The following PCDH7 variants were observed in gnomAD, a reference collection of about 807,000 sequenced individuals.
PCDH7 encodes protocadherin 7.
In PCDH7, 17 loss-of-function variants were observed where a neutral mutation model predicts 58.9. The ratio of observed to expected loss-of-function variants is 0.29; its 90% CI spans 0.20 to 0.43. PCDH7 has a LOEUF of 0.43. Among genes scored for constraint, PCDH7 ranks in the 20% least tolerant of loss-of-function variants. PCDH7 has a pLI of 1.00. For missense variants in PCDH7, 1,274 were observed against 1,441.0 expected (o/e 0.88, Z 1.88); for synonymous variants, 664 against 616.4 (o/e 1.08, Z -1.14).
Position 30,967,431 on chromosome 4 carries a change from C to T in PCDH7, c.*7+17216C>T, listed in dbSNP as rs181186569. 1.2e-3 allele frequency among the ~76,000 whole-genome samples: 188 copies of T among 152,178 alleles called. 1 individual carries two copies. The highest frequency in any genetic ancestry group is 4.3e-3 in the African/African-American group (178 of 41,558). On this transcript the variant is annotated intron_variant, in intron 3 of 3. Transcript: ENST00000509759. ...TTTTCTTCAATGGATAGTCTGCATA[C>T]GATGTCTTTCTTACTCTGCTGTCTC...
At chr4:31,046,902 A>G (rs927560216) in intron 3 of PCDH7, among the ~76,000 whole-genome samples, 2 of 152,036 alleles carry the variant, frequency 1.3e-5, no homozygotes, top group Admixed American at 6.6e-5. Flanking sequence ...TAAATCCAAC[A>G]TAAGCATTTA....
At chr4:30,843,008 G>A (rs898389928) in intron 1 of PCDH7, among the ~76,000 whole-genome samples, 9 of 150,692 alleles carry the variant, frequency 6.0e-5, no homozygotes, top group Admixed American at 5.9e-4. Context: ...CGCAACCCTA[G>A]CAATTACTAC....
intron 1 of PCDH7, among the ~76,000 whole-genome samples, chr4:30,906,197 A>G (rs1198618656): frequency 6.6e-6 from 1 of 152,190 alleles, no homozygotes; most frequent in African/African-American, 2.4e-5. Flanking sequence ...CTACCCTGAA[A>G]TCATTGATTT....
intron 1 of PCDH7, among the ~76,000 whole-genome samples, chr4:30,789,799 C>T (rs906826855): frequency 3.3e-5 from 5 of 152,098 alleles, no homozygotes; most frequent in Admixed American, 2.6e-4. Context: ...TCCTTATTTT[C>T]CTTAGAAGAT....
intron 1 of PCDH7, chr4:30,868,920 T>A (rs917165981): frequency 3.3e-5 from 5 of 152,080 alleles, no homozygotes; most frequent in East Asian, 1.9e-4. Flanking sequence ...TGCAAAATAG[T>A]TCAACCATAT....
In PCDH7 at chr4:30,723,203, A is replaced by G; in HGVS notation, c.1781A>G (p.Asn594Ser). ...CCCGATTCTGGGGACATCCTGGTCAATACCGTGCTGGACCGCGAGCAGACT... is the reference window on the plus strand; with the variant it reads ...CCCGATTCTGGGGACATCCTGGTCAGTACCGTGCTGGACCGCGAGCAGACT... The change falls in exon 1 of 2, where the codon AAT becomes AGT. Residue 594 changes from asparagine to serine, a missense_variant. Asn to Ser is a conservative substitution (Grantham distance 46). Transcript: ENST00000361762. The surrounding 1 kb of genome is among the most constrained non-coding windows in gnomAD (Gnocchi z 4.6). 6.2e-7 allele frequency: 1 copy of G among 1,614,222 alleles called. No individual in the cohort carries two copies. The highest frequency in any genetic ancestry group is 8.5e-7 in the Non-Finnish European group (1 of 1,180,052).
At chr4:30,925,619 A>C (rs1743764810) in intron 2 of PCDH7, 4 of 152,168 alleles carry the variant, frequency 2.6e-5, no homozygotes, top group African/African-American at 2.4e-5. Context: ...CCAGTGTCTG[A>C]CTGAGGCTGC....
At chr4:30,916,319 G>A (rs1045816151) in intron 1 of PCDH7, among the ~76,000 whole-genome samples, 5 of 152,030 alleles carry the variant, frequency 3.3e-5, no homozygotes, top group African/African-American at 1.2e-4. Flanking sequence ...TCTTTCATAA[G>A]GAACTGTCAG....
intron 3 of PCDH7, among the ~76,000 whole-genome samples, chr4:31,099,362 T>C (rs1714597905): frequency 6.6e-6 from 1 of 152,180 alleles, no homozygotes; most frequent in Non-Finnish European, 1.5e-5. Context: ...AGGTGTTTGC[T>C]CTGGCTATAG....
chr4:30,998,783 A>G (rs984329372), intron 3 of PCDH7, among the ~76,000 whole-genome samples: 2 of 152,160 alleles, frequency 1.3e-5, no homozygotes, highest in African/African-American at 2.4e-5. Flanking sequence ...TAGAATTTCT[A>G]TCGTAGAAAG....
intron 1 of PCDH7, among the ~76,000 whole-genome samples, chr4:30,816,334 T>A (rs1727664657): frequency 6.6e-6 from 1 of 152,230 alleles, no homozygotes; most frequent in South Asian, 2.1e-4. Flanking sequence ...ATCTCTGAAG[T>A]ACTTCTCTCC....
At chr4:30,766,307 A>T (rs1338368006) in intron 1 of PCDH7, among the ~76,000 whole-genome samples, 1 of 152,088 alleles carries the variant, frequency 6.6e-6, no homozygotes, top group Non-Finnish European at 1.5e-5. Context: ...AGGCAGGGGG[A>T]TCCCTTGAGC....
intron 3 of PCDH7, among the ~76,000 whole-genome samples, chr4:31,131,692 G>A (rs1254226882): frequency 1.3e-5 from 2 of 152,132 alleles, no homozygotes; most frequent in Admixed American, 6.6e-5. Flanking sequence ...GTTATTAAAA[G>A]AGTAGTTCCA....
chr4:31,120,050 G>A (rs1351438322), intron 3 of PCDH7, among the ~76,000 whole-genome samples: 20 of 132,494 alleles, frequency 1.5e-4, no homozygotes, highest in Admixed American at 1.4e-3. Context: ...ACCATCACCT[G>A]ATGGTCACCT....
At chr4:30,805,686 A>AT (rs539465397) in intron 1 of PCDH7, among the ~76,000 whole-genome samples, 10 of 152,220 alleles carry the variant, frequency 6.6e-5, no homozygotes, top group Admixed American at 6.5e-4. Flanking sequence ...TCCAGAGATC[A>AT]TTTTTTGTTC....
intron 1 of PCDH7, among the ~76,000 whole-genome samples, chr4:30,856,584 A>G (rs1733485732): frequency 6.6e-6 from 1 of 151,952 alleles, no homozygotes; most frequent in Non-Finnish European, 1.5e-5. Context: ...ATAAAATATA[A>G]AATCACAATT....
chr4:30,972,863 T>G (rs897578698), intron 3 of PCDH7, among the ~76,000 whole-genome samples: 4 of 152,180 alleles, frequency 2.6e-5, no homozygotes, highest in Non-Finnish European at 5.9e-5. Context: ...GCAAATAAAC[T>G]ATTTTAAAAC....
chr4:30,803,926 C>A (rs1458753159), intron 1 of PCDH7, among the ~76,000 whole-genome samples: 1 of 152,162 alleles, frequency 6.6e-6, no homozygotes, highest in African/African-American at 2.4e-5. Context: ...CTATTTTTAG[C>A]AGTATTCTAG....
In PCDH7 at chr4:31,097,640, A is replaced by AT. The variant is rs1386798533; in HGVS notation, c.*8-44832dup. Among the ~76,000 whole-genome samples the AT allele has an allele frequency of 2.4e-4, 21 of 88,922 alleles. 1 individual carries two copies. Among genetic ancestry groups the AT allele is most frequent in the Admixed American group, 4.4e-4 (4 of 9,072 alleles). The allele number at this position is 88,922 out of a possible 152,430, so 58.3% of individuals were successfully genotyped here. On this transcript the variant is annotated intron_variant, in intron 3 of 3. Coordinates refer to the PCDH7 transcript ENST00000509759. ...TATATATATATATATATATATATAA[A>AT]TCTTTTTTCTGTAATTTCTGTAATT...
Sources: allele counts gnomAD v4.1 joint callset (sites outside exome capture counted in the v4.1 genomes callset), GRCh38; gene constraint gnomAD v4.1.1; non-coding constraint Gnocchi (gnomAD v3.1); transcripts MANE v1.5; gene names NCBI Gene and HGNC (gene_info 2026-07-23, HGNC 2026-07-21).